The following LEKR1 variants were observed in gnomAD, a reference collection of about 807,000 sequenced individuals.
LEKR1 encodes the protein leucine, glutamate and lysine rich 1.
A neutral mutation model predicts 72.4 loss-of-function variants in LEKR1; 59 were observed. The observed-to-expected ratio is 0.82, with a 90% CI of 0.66 to 1.01. The LOEUF is 1.01. LEKR1 is among the 50% of genes least tolerant of loss of function. The pLI is 0.00. For missense variants in LEKR1, 728 were observed against 759.2 expected, an observed-to-expected ratio of 0.96 and a Z score of 0.48; for synonymous variants, 257 against 263.2, an observed-to-expected ratio of 0.98 and a Z score of 0.23.
In LEKR1 at chr3:157,039,545, G is replaced by A. The variant is rs183856265; in HGVS notation, c.1669-5795G>A. Among the ~76,000 whole-genome samples, 13 of 152,262 alleles carry A rather than the reference G, an allele frequency of 8.5e-5. No homozygotes were observed. In the East Asian group the frequency reaches 2.3e-3, roughly 27 times the overall value. On this transcript the variant is annotated intron_variant, in intron 12 of 12. Transcript: ENST00000356539. ...GAGGAAGGAGGACTGCTTGAGCCTC[G>A]GGGGTTGAGGCTATAATGAGCCGTG...
At chr3:157,043,498 G>A (rs1018832120) in intron 12 of LEKR1, among the ~76,000 whole-genome samples, 1 of 150,652 alleles carries the variant, frequency 6.6e-6, no homozygotes, top group African/African-American at 2.4e-5. Context: ...GTCCCTGCAT[G>A]TTTGACGTAA....
chr3:157,018,784 A>G (rs892287406), intron 10 of LEKR1, among the ~76,000 whole-genome samples: 1 of 152,196 alleles, frequency 6.6e-6, no homozygotes, highest in Admixed American at 6.5e-5. Context: ...CTATTATTCT[A>G]TGTTATTCTT....
intron 3 of LEKR1, among the ~76,000 whole-genome samples, chr3:156,907,061 T>C (rs1000735251): frequency 3.9e-5 from 6 of 152,132 alleles, no homozygotes; most frequent in Non-Finnish European, 7.4e-5. Flanking sequence ...TTTACAGACA[T>C]GTAATGAGAC....
At chr3:157,002,427 G>A (rs1317007449) in intron 9 of LEKR1, among the ~76,000 whole-genome samples, 1 of 152,004 alleles carries the variant, frequency 6.6e-6, no homozygotes, top group Non-Finnish European at 1.5e-5. Context: ...CCCCATGGTT[G>A]TACTGTACAA....
chr3:156,856,656 A>G (rs1716096527), intron 3 of LEKR1, among the ~76,000 whole-genome samples: 1 of 152,090 alleles, frequency 6.6e-6, no homozygotes, highest in Non-Finnish European at 1.5e-5. Flanking sequence ...TACATCGTGT[A>G]TTAGTTTAAT....
chr3:156,955,958 TAA>T (rs34940582), intron 6 of LEKR1, among the ~76,000 whole-genome samples: 3,407 of 147,140 alleles, frequency 0.023, 42 homozygotes, highest in African/African-American at 0.029. Context: ...GTAGAATAGT[TAA>T]AAAAAAAAAA....
chr3:156,850,884 G>A (rs777202290), intron 2 of LEKR1, among the ~76,000 whole-genome samples: 5 of 152,138 alleles, frequency 3.3e-5, no homozygotes, highest in Admixed American at 2.0e-4. Context: ...ATAATGAGAC[G>A]TTGGTTTGCA....
chr3:156,993,287 A>G lies in LEKR1; in HGVS notation c.1109+10A>G. The G allele has an allele frequency of 6.5e-7, 1 of 1,544,594 alleles. No homozygotes were observed. Among genetic ancestry groups the G allele is most frequent in the Non-Finnish European group, 8.7e-7 (1 of 1,143,650 alleles). ...CACTGAAAAATGAAAGGTGCAGTAAACAATAATTTCTTACAAAAACATTTT... is the reference window on the plus strand; with the variant it reads ...CACTGAAAAATGAAAGGTGCAGTAAGCAATAATTTCTTACAAAAACATTTT... On this transcript the variant is annotated intron_variant, in intron 9 of 12. Coordinates refer to ENST00000356539, the MANE Select transcript of LEKR1 (RefSeq NM_001004316.3).
At chr3:156,994,529 C>T (rs1295189319) in intron 9 of LEKR1, among the ~76,000 whole-genome samples, 2 of 152,196 alleles carry the variant, frequency 1.3e-5, no homozygotes, top group African/African-American at 4.8e-5. Flanking sequence ...ACTTAACTGA[C>T]TATTCCACCC....
Position 156,839,627 on chromosome 3 carries a change from G to A in LEKR1, c.48+10250G>A, listed in dbSNP as rs143197698. Reference sequence around the variant, plus strand: ...AACAGACATCACACAAGAGGAATTAGCAGAGGACAACTTGGAGATGATTTT... The same window carrying A: ...AACAGACATCACACAAGAGGAATTAACAGAGGACAACTTGGAGATGATTTT... On this transcript the variant is annotated intron_variant, in intron 2 of 12. Transcript: ENST00000356539. 2.0e-4 allele frequency among the ~76,000 whole-genome samples: 31 copies of A among 152,332 alleles called. No homozygotes were observed. The East Asian group carries it at 5.6e-3, about 28-fold the overall frequency.
chr3:156,934,850 T>A (rs936702030), intron 5 of LEKR1, among the ~76,000 whole-genome samples: 1 of 152,096 alleles, frequency 6.6e-6, no homozygotes, highest in Non-Finnish European at 1.5e-5. Context: ...ATCATGAAAA[T>A]ATAGTCATGC....
chr3:156,968,729 C>T (rs113406991), intron 6 of LEKR1, among the ~76,000 whole-genome samples: 1 of 152,144 alleles, frequency 6.6e-6, no homozygotes, highest in Non-Finnish European at 1.5e-5. Flanking sequence ...AGAAAGTTAA[C>T]AAGGATATCC....
At chr3:156,952,833 A>G (rs1727285420) in intron 6 of LEKR1, among the ~76,000 whole-genome samples, 1 of 151,486 alleles carries the variant, frequency 6.6e-6, no homozygotes, top group African/African-American at 2.4e-5. Flanking sequence ...GACTGGTTAA[A>G]TAAATTGTGC....
intron 3 of LEKR1, among the ~76,000 whole-genome samples, chr3:156,893,752 T>A (rs552872237): frequency 7.9e-5 from 12 of 152,314 alleles, no homozygotes; most frequent in African/African-American, 2.9e-4. Context: ...ATTAAACCTC[T>A]TTTCTTTATA....
At chr3:156,848,917 TAA>T (rs965035313) in intron 2 of LEKR1, among the ~76,000 whole-genome samples, 2 of 152,190 alleles carry the variant, frequency 1.3e-5, no homozygotes, top group Non-Finnish European at 2.9e-5. Context: ...TATTATACTT[TAA>T]GTTTTAGGGT....
intron 3 of LEKR1, among the ~76,000 whole-genome samples, chr3:156,916,688 A>C (rs1226956387): frequency 2.6e-5 from 4 of 152,174 alleles, no homozygotes; most frequent in Non-Finnish European, 5.9e-5. Context: ...ATATAGAATC[A>C]TGTCATCTGC....
intron 2 of LEKR1, 24 bp from the exon 3 acceptor site, chr3:156,852,744 G>C: frequency 7.7e-7 from 1 of 1,297,872 alleles, no homozygotes; most frequent in Non-Finnish European, 1.0e-6. Flanking sequence ...AAAAAATTTG[G>C]TAAGTGTATG....
chr3:156,834,516 C>T (rs922467890), intron 2 of LEKR1, among the ~76,000 whole-genome samples: 1 of 152,244 alleles, frequency 6.6e-6, no homozygotes, highest in Non-Finnish European at 1.5e-5. Flanking sequence ...TGTATATAAA[C>T]TTTCTCTAGT....
intron 6 of LEKR1, among the ~76,000 whole-genome samples, chr3:156,969,337 G>GT (rs1728934208): frequency 1.3e-5 from 2 of 152,072 alleles, no homozygotes; most frequent in South Asian, 2.1e-4. Flanking sequence ...CCAGGAGCTG[G>GT]TTTTTTGAAA....
Sources: allele counts gnomAD v4.1 joint callset (sites outside exome capture counted in the v4.1 genomes callset), GRCh38; gene constraint gnomAD v4.1.1; transcripts MANE v1.5; gene names NCBI Gene and HGNC (gene_info 2026-07-23, HGNC 2026-07-21).